The following SECISBP2L variants were observed in gnomAD, a reference collection of about 807,000 sequenced individuals.
The protein encoded by SECISBP2L is selenocysteine insertion sequence-binding protein 2-like.
SECISBP2L carries 43 observed loss-of-function variants against 114.7 expected under a neutral mutation model. The ratio of observed to expected loss-of-function variants is 0.38; its 90% CI spans 0.29 to 0.48. SECISBP2L has a LOEUF of 0.48. SECISBP2L is among the 20% of genes least tolerant of loss of function. The pLI, the probability that SECISBP2L is intolerant of heterozygous loss-of-function variation, is 0.98. For synonymous variants in SECISBP2L, 451 were observed against 439.7 expected, an observed-to-expected ratio of 1.03 and a Z score of -0.32; for missense variants, 1,136 against 1,301.1, an observed-to-expected ratio of 0.87 and a Z score of 1.95.
At chr15:48,998,560 T>C (rs1224898003) in intron 16 of SECISBP2L, among the ~76,000 whole-genome samples, 4 of 151,718 alleles carry the variant, frequency 2.6e-5, no homozygotes, top group African/African-American at 9.7e-5. Flanking sequence ...AAGAAAGAAA[T>C]TGTTAGGAAT....
intron 13 of SECISBP2L, 80 bp downstream of exon 13, chr15:49,011,651 A>G: frequency 6.7e-7 from 1 of 1,494,450 alleles, no homozygotes; most frequent in Non-Finnish European, 9.2e-7. Context: ...AATCAGGAGC[A>G]TTAACTAGTG....
chr15:49,005,862 A>G (rs1429203918), intron 14 of SECISBP2L, among the ~76,000 whole-genome samples: 2 of 151,858 alleles, frequency 1.3e-5, no homozygotes, highest in Non-Finnish European at 2.9e-5. Flanking sequence ...GGTCTTTACA[A>G]TTTGGTATGT....
intron 13 of SECISBP2L, 99 bp downstream of exon 13, chr15:49,011,632 A>T: frequency 7.5e-7 from 1 of 1,337,402 alleles, no homozygotes; most frequent in Non-Finnish European, 1.0e-6. Flanking sequence ...AATATGGAGC[A>T]CGTCTTCCAA....
chr15:49,039,350 T>G (rs989955399), intron 1 of SECISBP2L, among the ~76,000 whole-genome samples: 1 of 152,096 alleles, frequency 6.6e-6, no homozygotes, highest in East Asian at 1.9e-4. Flanking sequence ...GGACACAATA[T>G]ATCAAAACAA....
intron 1 of SECISBP2L, among the ~76,000 whole-genome samples, chr15:49,040,385 T>C (rs1903098456): frequency 6.6e-6 from 1 of 152,154 alleles, no homozygotes; most frequent in South Asian, 2.1e-4. Flanking sequence ...AGGAACAGAC[T>C]GGCAAACTTT....
At chr15:49,039,720 G>C (rs774457904) in intron 1 of SECISBP2L, among the ~76,000 whole-genome samples, 21 of 150,700 alleles carry the variant, frequency 1.4e-4, no homozygotes, top group Non-Finnish European at 2.1e-4. Flanking sequence ...TGTAGAGATG[G>C]GGTTTTGCCA....
chr15:48,991,719 A>C lies in SECISBP2L; in HGVS notation c.*525T>G, dbSNP rs1362080643. 1 of 152,638 alleles carries C rather than the reference A, an allele frequency of 6.6e-6. No homozygotes were observed. The highest frequency in any genetic ancestry group is 1.5e-5 in the Non-Finnish European group (1 of 68,356). 9.5% of individuals were successfully genotyped at this position (152,638 alleles called of 1,614,324 possible). On this transcript the variant is annotated 3_prime_UTR_variant, in exon 18 of 18. Transcript: ENST00000559471. The stretch of plus-strand genomic sequence containing the variant: ...TTACAATAATCAGTGACTTCTGACT[A>C]AACATTTGTGGACCACATAAAAGTT...
rs149614672 is a variant in SECISBP2L at position 49,039,889 on chromosome 15, C to A, written c.25-2120G>T. On this transcript the variant is annotated intron_variant, in intron 1 of 17. Transcript: ENST00000559471. Reference sequence around the variant, plus strand: ...GAACTCACTGAGCAGTTTTATAAATCTGAGCTAGTAGACATTCGGGGTTTT... The same window carrying A: ...GAACTCACTGAGCAGTTTTATAAATATGAGCTAGTAGACATTCGGGGTTTT... Among the ~76,000 whole-genome samples, 987 of 152,224 alleles carry A rather than the reference C, an allele frequency of 6.5e-3. 5 individuals are homozygous for A. The highest frequency in any genetic ancestry group is 0.011 in the Non-Finnish European group (747 of 68,004).
At chr15:48,995,447 CAGGG>C (rs1158372218) in intron 17 of SECISBP2L, among the ~76,000 whole-genome samples, 2 of 152,026 alleles carry the variant, frequency 1.3e-5, no homozygotes, top group Non-Finnish European at 2.9e-5. Context: ...CAATCACAGA[CAGGG>C]AGGCCAGGAA....
At chr15:48,999,520 C>T (rs889581748) in intron 16 of SECISBP2L, among the ~76,000 whole-genome samples, 5 of 152,088 alleles carry the variant, frequency 3.3e-5, no homozygotes, top group Non-Finnish European at 2.9e-5. Flanking sequence ...AATTACATTA[C>T]GTAATATCAG....
intron 14 of SECISBP2L, 137 bp downstream of exon 14, chr15:49,009,079 A>T: frequency 1.1e-6 from 1 of 879,004 alleles, no homozygotes; most frequent in Non-Finnish European, 1.7e-6. Context: ...CCCAGCTGTT[A>T]AACAAAATCC....
intron 1 of SECISBP2L, chr15:49,042,346 TG>T (rs2054825362): frequency 6.6e-6 from 1 of 152,458 alleles, no homozygotes; most frequent in African/African-American, 2.4e-5. Context: ...GTTTTAGAGA[TG>T]GGGTCCCACT....
chr15:49,036,065 T>A (rs1364467480), intron 2 of SECISBP2L, among the ~76,000 whole-genome samples: 1 of 152,198 alleles, frequency 6.6e-6, no homozygotes. Flanking sequence ...AAAGTGACCA[T>A]TGTGTAAGGT....
chr15:48,996,236 CA>C, intron 17 of SECISBP2L, 130 bp downstream of exon 17: 1 of 832,276 alleles, frequency 1.2e-6, no homozygotes, highest in South Asian at 1.9e-5. Flanking sequence ...ATGTTTAATG[CA>C]ATGTTTTAAA....
At chr15:49,045,681 C>G (rs867768331) in intron 1 of SECISBP2L, among the ~76,000 whole-genome samples, 1 of 152,148 alleles carries the variant, frequency 6.6e-6, no homozygotes, top group South Asian at 2.1e-4. Context: ...TAAAATAGAG[C>G]TAGCTTTAAA....
At chr15:49,039,141 C>T (rs1405137330) in intron 1 of SECISBP2L, among the ~76,000 whole-genome samples, 1 of 152,074 alleles carries the variant, frequency 6.6e-6, no homozygotes, top group Admixed American at 6.5e-5. Flanking sequence ...ATCCTTCCTC[C>T]CTACCTGATT....
chr15:49,046,313 G>A lies in SECISBP2L; in HGVS notation c.-14C>T. ...GGCTCGGTCCATGGTGCCTGCAGCC[G>A]CAACGGGCCCGCGCTAGTCGGTGTA... On this transcript the variant is annotated 5_prime_UTR_variant, in exon 1 of 18. Transcript: ENST00000559471. The A allele has an allele frequency of 6.5e-7, 1 of 1,543,368 alleles. No individual in the cohort carries two copies. Among genetic ancestry groups the A allele is most frequent in the Non-Finnish European group, 8.7e-7 (1 of 1,145,224 alleles).
chr15:49,027,889 G>A (rs1226520454), intron 6 of SECISBP2L, among the ~76,000 whole-genome samples: 2 of 152,176 alleles, frequency 1.3e-5, no homozygotes, highest in African/African-American at 4.8e-5. Context: ...GATTAGAGGC[G>A]TGAGCCACCT....
chr15:49,016,778 A>T (rs1224092672), intron 10 of SECISBP2L, 70 bp downstream of exon 10: 1 of 1,542,110 alleles, frequency 6.5e-7, no homozygotes, highest in African/African-American at 1.4e-5. Context: ...TACATTTATC[A>T]CTCCTTCTAT....
Sources: allele counts gnomAD v4.1 joint callset (sites outside exome capture counted in the v4.1 genomes callset), GRCh38; gene constraint gnomAD v4.1.1; transcripts MANE v1.5; gene names NCBI Gene and HGNC (gene_info 2026-07-23, HGNC 2026-07-21).